The following CIB2 variants were observed in gnomAD, a reference collection of about 807,000 sequenced individuals.
The protein encoded by CIB2 is calcium and integrin-binding family member 2.
CIB2 carries 19 observed loss-of-function variants against 23.1 expected under a neutral mutation model. That is an observed-to-expected ratio of 0.82 (90% CI 0.57 to 1.21). The LOEUF (loss-of-function observed/expected upper bound fraction) is 1.21, where lower values mean the gene tolerates loss of function less well. Ranked by LOEUF, CIB2 falls within the 50% of genes most tolerant of loss-of-function variation. CIB2 has a pLI of 0.00. For synonymous variants in CIB2, 94 were observed against 91.7 expected, an observed-to-expected ratio of 1.03 and a Z score of -0.14; for missense variants, 220 against 241.5, an observed-to-expected ratio of 0.91 and a Z score of 0.59.
At chr15:78,129,706 G>A (rs923041664) in intron 1 of CIB2, among the ~76,000 whole-genome samples, 2 of 152,090 alleles carry the variant, frequency 1.3e-5, no homozygotes, top group Non-Finnish European at 1.5e-5. Context: ...GTCTGAGACT[G>A]AGTGCCTTGG....
Position 78,105,161 on chromosome 15 carries a change from G to GTTTTTTT in CIB2, c.*143_*149dup. On this transcript the variant is annotated 3_prime_UTR_variant, in exon 6 of 6. Transcript: ENST00000258930. ...TTCACAGGCCCCCTTCCTGGTTAAG[G>GTTTTTTT]TTTTTTTTTTGCTGAAAGGGCCACA... The GTTTTTTT allele has an allele frequency of 2.1e-6, 2 of 933,732 alleles. No individual in the cohort carries two copies. Among genetic ancestry groups the GTTTTTTT allele is most frequent in the South Asian group, 1.9e-5 (1 of 53,330 alleles). The allele number at this position is 933,732 out of a possible 1,614,324, so 57.8% of individuals were successfully genotyped here.
At chr15:78,116,545 C>G (rs1414204922) in intron 2 of CIB2, among the ~76,000 whole-genome samples, 1 of 152,006 alleles carries the variant, frequency 6.6e-6, no homozygotes, top group Non-Finnish European at 1.5e-5. Context: ...TATATAGGGA[C>G]TTAAGCATTT....
intron 2 of CIB2, among the ~76,000 whole-genome samples, chr15:78,114,178 C>G (rs1162997868): frequency 6.6e-6 from 1 of 152,230 alleles, no homozygotes; most frequent in East Asian, 1.9e-4. Flanking sequence ...CAGAGGCTCC[C>G]TGGAAGGGGT....
intron 3 of CIB2, chr15:78,110,662 A>G (rs1992469): frequency 1 from 456,162 of 456,186 alleles, 228,069 homozygotes; most frequent in Middle Eastern, 1. Context: ...TCACCTGGGA[A>G]CTTGCTCGAA....
At chr15:78,129,794 T>C (rs916092598) in intron 1 of CIB2, among the ~76,000 whole-genome samples, 6 of 152,196 alleles carry the variant, frequency 3.9e-5, no homozygotes, top group Non-Finnish European at 7.4e-5. Flanking sequence ...TTCGAAATCC[T>C]GTGTGAGCCC....
intron 1 of CIB2, among the ~76,000 whole-genome samples, chr15:78,124,093 G>A (rs1241300757): frequency 2.0e-5 from 3 of 152,060 alleles, no homozygotes; most frequent in African/African-American, 7.2e-5. Flanking sequence ...GGAGGTGGCT[G>A]GGAGACAACT....
chr15:78,111,089 G>T, intron 3 of CIB2, 76 bp downstream of exon 3: 1 of 1,275,666 alleles, frequency 7.8e-7, no homozygotes, highest in Non-Finnish European at 1.1e-6. Context: ...GCTGGGTTCA[G>T]CCTAGACCTG....
chr15:78,117,752 C>T (rs2074260360), intron 2 of CIB2, among the ~76,000 whole-genome samples: 2 of 152,154 alleles, frequency 1.3e-5, no homozygotes, highest in Admixed American at 1.3e-4. Context: ...GAGTTCCCAC[C>T]CGACTAGACA....
At chr15:78,123,639 G>A (rs945610412) in intron 2 of CIB2, 66 bp downstream of exon 2, 24 of 1,553,862 alleles carry the variant, frequency 1.5e-5, no homozygotes, top group African/African-American at 2.7e-5. Context: ...AGCCCATGTG[G>A]GGTGCCCCAG....
At chr15:78,130,659 C>G (rs941304243) in intron 1 of CIB2, among the ~76,000 whole-genome samples, 8 of 152,118 alleles carry the variant, frequency 5.3e-5, no homozygotes, top group African/African-American at 1.9e-4. Context: ...TCAGAAGGAG[C>G]GAACCCCAGC....
chr15:78,124,449 G>C (rs967138546), intron 1 of CIB2, among the ~76,000 whole-genome samples: 5 of 152,074 alleles, frequency 3.3e-5, no homozygotes, highest in Non-Finnish European at 7.4e-5. Context: ...GGGCCATCCA[G>C]ATGACAAACT....
intron 2 of CIB2, among the ~76,000 whole-genome samples, chr15:78,112,146 T>TG (rs2074169426): frequency 6.6e-6 from 1 of 152,222 alleles, no homozygotes; most frequent in Non-Finnish European, 1.5e-5. Flanking sequence ...CTGTCTCACT[T>TG]GGAAGCTCCC....
Position 78,131,071 on chromosome 15 carries a change from G to A in CIB2, c.51+94C>T. ...AGAGGCAGGGTTTGAACCTGGGAGA[G>A]CTGGCTCTCGGGAGGCCTCGGCCAG... On this transcript the variant is annotated intron_variant, in intron 1 of 5. Coordinates refer to ENST00000258930, the MANE Select transcript of CIB2 (RefSeq NM_006383.4). This position sits in a 1 kb window ranked among gnomAD's most constrained non-coding sequence, Gnocchi z 5.8. The A allele has an allele frequency of 8.6e-7, 1 of 1,157,726 alleles. No individual in the cohort carries two copies. The highest frequency in any genetic ancestry group is 1.2e-6 in the Non-Finnish European group (1 of 828,198). 71.7% of individuals were successfully genotyped at this position (1,157,726 alleles called of 1,614,324 possible). A position where few individuals can be genotyped will look rare whatever the true frequency, so the allele number is the denominator to read the frequency against.
At chr15:78,123,613 C>T in intron 2 of CIB2, 92 bp downstream of exon 2, 1 of 1,323,298 alleles carries the variant, frequency 7.6e-7, no homozygotes, top group Non-Finnish European at 1.1e-6. Context: ...TCTGCCTCAG[C>T]CCCAGGAGCA....
Position 78,131,180 on chromosome 15 carries a change from C to A in CIB2, c.36G>T (p.Gln12His). ...GNKQTIFTEEQLDNYQDCTFF... is the reference protein window; with the variant it reads ...GNKQTIFTEEHLDNYQDCTFF... Reference sequence around the variant, plus strand: ...CCGAGCTCACCTGGTAGTTGTCTAGCTGCTCTTCGGTGAAGATGGTCTGCT... The same window carrying A: ...CCGAGCTCACCTGGTAGTTGTCTAGATGCTCTTCGGTGAAGATGGTCTGCT... The change falls in exon 1 of 6, where the codon CAG becomes CAT. Residue 12 changes from glutamine (Q) to histidine (H), a missense_variant. Coordinates refer to ENST00000258930, the MANE Select transcript of CIB2 (RefSeq NM_006383.4). This position sits in a 1 kb window ranked among gnomAD's most constrained non-coding sequence, Gnocchi z 5.8. 6.3e-7 allele frequency: 1 copy of A among 1,591,316 alleles called. No homozygotes were observed.
chr15:78,110,748 A>G (rs1028998503), intron 3 of CIB2: 2 of 456,778 alleles, frequency 4.4e-6, no homozygotes, highest in South Asian at 1.5e-5. Flanking sequence ...GGAGTTTAAA[A>G]TTAAATTTTA....
chr15:78,129,285 C>T (rs1338639343), intron 1 of CIB2, among the ~76,000 whole-genome samples: 1 of 152,098 alleles, frequency 6.6e-6, no homozygotes, highest in Admixed American at 6.6e-5. Context: ...GCTCTCATTT[C>T]TCCCACCCCG....
intron 1 of CIB2, among the ~76,000 whole-genome samples, chr15:78,128,288 G>A (rs1018941681): frequency 1.3e-5 from 2 of 152,328 alleles, no homozygotes; most frequent in African/African-American, 4.8e-5. Flanking sequence ...AGCAGGGAGA[G>A]CAGCAGGAGA....
intron 2 of CIB2, among the ~76,000 whole-genome samples, chr15:78,118,418 C>T (rs1034473720): frequency 1.3e-5 from 2 of 151,866 alleles, no homozygotes; most frequent in East Asian, 1.9e-4. Context: ...TGGTGAAACC[C>T]GTCTCTACTA....
Sources: allele counts gnomAD v4.1 joint callset (sites outside exome capture counted in the v4.1 genomes callset), GRCh38; gene constraint gnomAD v4.1.1; non-coding constraint Gnocchi (gnomAD v3.1); transcripts MANE v1.5; gene names NCBI Gene and HGNC (gene_info 2026-07-23, HGNC 2026-07-21).